The following SRGAP2B variants were observed in gnomAD, a reference collection of about 807,000 sequenced individuals.
SRGAP2B encodes the protein SLIT-ROBO Rho GTPase-activating protein 2B.
A neutral mutation model predicts 22.2 loss-of-function variants in SRGAP2B; 9 were observed. The ratio of observed to expected loss-of-function variants is 0.41; its 90% CI spans 0.24 to 0.71. The LOEUF is 0.71. Ranked by LOEUF, SRGAP2B falls within the 30% of genes least tolerant of loss-of-function variation. The pLI is 0.35. For synonymous variants in SRGAP2B, 36 were observed against 87.4 expected (o/e 0.41, Z 3.28); for missense variants, 114 against 235.8 (o/e 0.48, Z 3.38).
In SRGAP2B at chr1:145,006,596, C is replaced by T. The variant is rs587695485; in HGVS notation, c.68-11396G>A. ...TATTCCAATGAAAGAATCTGCCCAG[C>T]AGATCCTTCAGAATAGATAACCATT... is the stretch of plus-strand genomic sequence containing the variant. On this transcript the variant is annotated intron_variant, in intron 2 of 9. Coordinates refer to ENST00000612199, the Ensembl canonical transcript of SRGAP2B. 9.4e-4 allele frequency among the ~76,000 whole-genome samples: 142 copies of T among 150,488 alleles called. 9 individuals are homozygous for T. The highest frequency in any genetic ancestry group is 3.4e-3 in the African/African-American group (137 of 40,138).
chr1:144,986,502 A>G (rs1305198882), intron 3 of SRGAP2B, among the ~76,000 whole-genome samples: 2 of 149,126 alleles, frequency 1.3e-5, no homozygotes, highest in Non-Finnish European at 3.0e-5. Context: ...AGACCCAGGA[A>G]ACCAAGAGCA....
At chr1:145,036,262 T>C (rs4058367) in intron 2 of SRGAP2B, among the ~76,000 whole-genome samples, 15 of 136,066 alleles carry the variant, frequency 1.1e-4, no homozygotes, top group East Asian at 6.3e-4. Flanking sequence ...CACAACTCTC[T>C]CTCCAAATGA....
chr1:145,016,918 T>C (rs1159586068), intron 2 of SRGAP2B, among the ~76,000 whole-genome samples: 1 of 147,656 alleles, frequency 6.8e-6, no homozygotes. Context: ...GTGCGATCTC[T>C]GCTCACCGCA....
chr1:145,040,634 G>A (rs1406388359), intron 2 of SRGAP2B, among the ~76,000 whole-genome samples: 1 of 149,200 alleles, frequency 6.7e-6, no homozygotes, highest in East Asian at 2.0e-4. Context: ...TAGGCAGCAG[G>A]ACAGATTTGA....
chr1:145,036,165 A>G (rs1553626608), intron 2 of SRGAP2B, among the ~76,000 whole-genome samples: 2 of 133,054 alleles, frequency 1.5e-5, no homozygotes, highest in African/African-American at 6.0e-5. Flanking sequence ...GCAGATATAC[A>G]GCAAGCAAGA....
At chr1:145,022,601 T>C (rs1553624321) in intron 2 of SRGAP2B, among the ~76,000 whole-genome samples, 1 of 149,452 alleles carries the variant, frequency 6.7e-6, no homozygotes, top group African/African-American at 2.5e-5. Flanking sequence ...ATGGCTTTTC[T>C]TTTTTACCAA....
At chr1:144,957,021 A>T (rs1344982708) in intron 3 of SRGAP2B, among the ~76,000 whole-genome samples, 1 of 150,734 alleles carries the variant, frequency 6.6e-6, no homozygotes, top group Non-Finnish European at 1.5e-5. Context: ...GTAGACTAAA[A>T]ATTTTTAAAC....
chr1:144,924,554 C>T (rs1210481632), intron 4 of SRGAP2B, among the ~76,000 whole-genome samples: 1 of 150,912 alleles, frequency 6.6e-6, no homozygotes, highest in Non-Finnish European at 1.5e-5. Context: ...AGGTGAAACC[C>T]CGTCTCTACT....
At chr1:144,996,095 C>G (rs1670655631) in intron 2 of SRGAP2B, among the ~76,000 whole-genome samples, 2 of 151,272 alleles carry the variant, frequency 1.3e-5, no homozygotes, top group South Asian at 4.1e-4. Flanking sequence ...CTCTCTGGAA[C>G]TGCTGCAAAG....
intron 3 of SRGAP2B, among the ~76,000 whole-genome samples, chr1:144,992,103 A>G (rs1670291323): frequency 1.3e-5 from 2 of 150,256 alleles, no homozygotes; most frequent in African/African-American, 5.0e-5. Context: ...AGGAACGAAC[A>G]ACTCCAGACG....
At chr1:144,991,215 C>T (rs1553617076) in intron 3 of SRGAP2B, among the ~76,000 whole-genome samples, 4 of 149,942 alleles carry the variant, frequency 2.7e-5, no homozygotes, top group Admixed American at 6.6e-5. Context: ...GTGCACCAAT[C>T]GACACTCTGT....
At chr1:144,966,011 C>A (rs1395514359) in intron 3 of SRGAP2B, among the ~76,000 whole-genome samples, 1 of 150,804 alleles carries the variant, frequency 6.6e-6, no homozygotes, top group Non-Finnish European at 1.5e-5. Context: ...AAATCTACGT[C>A]TGATTGGTGT....
chr1:144,991,275 G>T (rs1553617090), intron 3 of SRGAP2B, among the ~76,000 whole-genome samples: 1 of 148,398 alleles, frequency 6.7e-6, no homozygotes, highest in East Asian at 2.0e-4. Context: ...CTAGCTCAAG[G>T]ATTGTAAATA....
intron 5 of SRGAP2B, among the ~76,000 whole-genome samples, chr1:144,909,383 G>T (rs1461801278): frequency 6.9e-6 from 1 of 145,094 alleles, no homozygotes; most frequent in East Asian, 2.0e-4. Flanking sequence ...AGGAGATTGA[G>T]ACCATCCTGG....
chr1:144,992,141 C>G (rs1390417862), intron 3 of SRGAP2B, among the ~76,000 whole-genome samples: 1 of 150,156 alleles, frequency 6.7e-6, no homozygotes, highest in Non-Finnish European at 1.5e-5. Context: ...TAACACTCAC[C>G]GTGAAGGTCT....
intron 2 of SRGAP2B, among the ~76,000 whole-genome samples, chr1:145,070,222 CA>C (rs1651988925): frequency 2.9e-5 from 4 of 139,044 alleles, no homozygotes; most frequent in Admixed American, 7.2e-5. Flanking sequence ...AGCTTCAAAA[CA>C]AATTAGTCAG....
At chr1:144,967,268 G>A (rs1421673795) in intron 3 of SRGAP2B, among the ~76,000 whole-genome samples, 1 of 114,784 alleles carries the variant, frequency 8.7e-6, no homozygotes, top group Non-Finnish European at 1.7e-5. Context: ...AAATGTAAAA[G>A]AACAGAAATT....
intron 4 of SRGAP2B, among the ~76,000 whole-genome samples, chr1:144,920,834 G>C (rs1553604242): frequency 1.3e-5 from 2 of 150,736 alleles, no homozygotes; most frequent in African/African-American, 2.5e-5. Flanking sequence ...GAAAATAGTG[G>C]TTTAAGGACT....
chr1:144,987,094 T>C (rs1365709741), intron 3 of SRGAP2B, among the ~76,000 whole-genome samples: 654 of 149,848 alleles, frequency 4.4e-3, no homozygotes, highest in Non-Finnish European at 6.2e-3. Context: ...TAAAGCCCTC[T>C]CCAGTCCTCC....
Sources: gnomAD v4.1 joint callset for allele counts (sites outside exome capture counted in the v4.1 genomes callset) on GRCh38, gnomAD v4.1.1 for gene constraint, MANE v1.5 for transcripts, NCBI Gene and HGNC (gene_info 2026-07-23, HGNC 2026-07-21) for gene names.